The following DPYSL5 variants were observed in gnomAD, a reference collection of about 807,000 sequenced individuals.
DPYSL5 encodes dihydropyrimidinase like 5.
Under a neutral mutation model 58.4 loss-of-function variants are expected in DPYSL5, and 9 were observed. The ratio of observed to expected loss-of-function variants is 0.15; its 90% confidence interval spans 0.09 to 0.27. The LOEUF is 0.27. Ranked by LOEUF, DPYSL5 falls within the 10% of genes least tolerant of loss-of-function variation. The probability of loss-of-function intolerance (pLI) is 1.00; values close to 1 mark genes in which losing one functional copy is unlikely to be tolerated. For missense variants in DPYSL5, 499 were observed against 770.6 expected (o/e 0.65, Z 4.17); for synonymous variants, 293 against 301.9 (o/e 0.97, Z 0.31).
chr2:26,935,504 G>A (rs769762036), intron 8 of DPYSL5, among the ~76,000 whole-genome samples: 23 of 151,858 alleles, frequency 1.5e-4, no homozygotes, highest in Non-Finnish European at 2.1e-4. Context: ...CCTGGCCAAC[G>A]TGGTAAAACC....
chr2:26,908,664 A>G (rs1436053996), intron 2 of DPYSL5, among the ~76,000 whole-genome samples: 2 of 152,252 alleles, frequency 1.3e-5, no homozygotes, highest in Non-Finnish European at 2.9e-5. Flanking sequence ...AGATTATTGC[A>G]TTTTTAAAAC....
At position 26,920,845 on chromosome 2, in the gene DPYSL5, A is replaced by T. The variant is rs1664684516; in HGVS notation, c.262-4042A>T. Among the ~76,000 whole-genome samples the T allele has an allele frequency of 2.0e-5, 3 of 152,228 alleles. No homozygotes were observed. In the South Asian group the frequency reaches 6.2e-4, roughly 32 times the overall value. On this transcript the variant is annotated intron_variant, in intron 2 of 12. Coordinates refer to ENST00000288699, the MANE Select transcript of DPYSL5 (RefSeq NM_020134.4). The stretch of plus-strand genomic sequence containing the variant: ...GTGTGGGGAGTATGTGTGTTTAAAC[A>T]TGGTTCCAAGCATTTTGAATCAAGT...
chr2:26,931,195 GTGTGTGTGTA>G (rs1441591656), intron 5 of DPYSL5, among the ~76,000 whole-genome samples: 1 of 53,964 alleles, frequency 1.9e-5, no homozygotes, highest in Non-Finnish European at 4.2e-5. Flanking sequence ...GTGTGTGTGT[GTGTGTGTGTA>G]TATATATATA....
At chr2:26,926,961 CAG>C (rs767089057) in intron 3 of DPYSL5, among the ~76,000 whole-genome samples, 37 of 152,204 alleles carry the variant, frequency 2.4e-4, no homozygotes, top group Non-Finnish European at 2.9e-5. Context: ...GGTTTGGAGA[CAG>C]ACATAGGGGA....
intron 1 of DPYSL5, among the ~76,000 whole-genome samples, chr2:26,869,026 G>T (rs552949034): frequency 6.6e-6 from 1 of 152,074 alleles, no homozygotes; most frequent in African/African-American, 2.4e-5. Context: ...GTGTAGTAGC[G>T]CAGTCACAGC....
chr2:26,926,369 C>G (rs1235878022), intron 3 of DPYSL5, among the ~76,000 whole-genome samples: 2 of 152,220 alleles, frequency 1.3e-5, no homozygotes, highest in Non-Finnish European at 2.9e-5. Context: ...TCCCCTGGAG[C>G]TGGCCTAGAA....
intron 11 of DPYSL5, among the ~76,000 whole-genome samples, chr2:26,943,451 C>T (rs1665377642): frequency 6.6e-6 from 1 of 152,140 alleles, no homozygotes; most frequent in South Asian, 2.1e-4. Context: ...TGGAGATGGA[C>T]GGGGTTTAAC....
At position 26,924,906 on chromosome 2, in the gene DPYSL5, C is replaced by A; in HGVS notation, c.281C>A (p.Thr94Asn). 1 of 1,614,008 alleles carries A rather than the reference C, an allele frequency of 6.2e-7. No homozygotes were observed. The highest frequency in any genetic ancestry group is 2.2e-5 in the East Asian group (1 of 44,864). Reference protein sequence around the residue: ...HGTKAALVGGTTMIIGHVLPD... With the variant: ...HGTKAALVGGNTMIIGHVLPD... ...TCCCAGGCAGCACTCGTCGGAGGCACCACCATGATCATCGGCCACGTCCTG... is the reference window on the plus strand; with the variant it reads ...TCCCAGGCAGCACTCGTCGGAGGCAACACCATGATCATCGGCCACGTCCTG... Residue 94 changes from threonine to asparagine, a missense_variant, in exon 3 of 13, where the codon ACC becomes AAC. By Grantham distance (65) the Thr-to-Asn change is moderately conservative (BLOSUM62 0). This residue lies in a region of DPYSL5 where 404 missense variants were observed against 647.6 expected (regional missense o/e 0.62). Transcript: ENST00000288699. This position sits in a 1 kb window ranked among gnomAD's most constrained non-coding sequence, Gnocchi z 4.7.
chr2:26,911,843 C>G (rs1050577202), intron 2 of DPYSL5, among the ~76,000 whole-genome samples: 26 of 152,200 alleles, frequency 1.7e-4, no homozygotes, highest in African/African-American at 6.0e-4. Flanking sequence ...CCAGGCAAAA[C>G]ACACTCCAGG....
In DPYSL5 at chr2:26,924,574, G is replaced by A. The variant is rs1664780988; in HGVS notation, c.262-313G>A. 6.6e-6 allele frequency among the ~76,000 whole-genome samples: 1 copy of A among 152,166 alleles called. No individual in the cohort carries two copies. The highest frequency in any genetic ancestry group is 6.5e-5 in the Admixed American group (1 of 15,272). On this transcript the variant is annotated intron_variant, in intron 2 of 12. Coordinates refer to ENST00000288699, the MANE Select transcript of DPYSL5 (RefSeq NM_020134.4). The surrounding 1 kb of genome is among the most constrained non-coding windows in gnomAD (Gnocchi z 4.7). The stretch of plus-strand genomic sequence containing the variant: ...GTCAATTGGCTAAAAATCGTTTGGG[G>A]AGAGAATCTCCTCATTGGGAAGATA...
Position 26,936,945 on chromosome 2 carries a change from T to TAAAA in DPYSL5, c.947+2224_947+2227dup, listed in dbSNP as rs55795892. ...TGGGCAACAAGAGCAAGACTTCATTTAAAAAAAAAAAAAAAAGCTTGTTTT... is the reference window on the plus strand; with the variant it reads ...TGGGCAACAAGAGCAAGACTTCATTTAAAAAAAAAAAAAAAAAAAAGCTTGTTTT... On this transcript the variant is annotated intron_variant, in intron 8 of 12. Coordinates refer to ENST00000288699, the MANE Select transcript of DPYSL5 (RefSeq NM_020134.4). 2.1e-4 allele frequency among the ~76,000 whole-genome samples: 16 copies of TAAAA among 77,898 alleles called. 2 individuals carry two copies. The highest frequency in any genetic ancestry group is 5.2e-4 in the Admixed American group (4 of 7,636). 51.1% of individuals were successfully genotyped at this position (77,898 alleles called of 152,430 possible). A position where few individuals can be genotyped will look rare whatever the true frequency, so the allele number is the denominator to read the frequency against.
intron 2 of DPYSL5, among the ~76,000 whole-genome samples, chr2:26,906,008 G>A (rs561001091): frequency 6.6e-6 from 1 of 152,122 alleles, no homozygotes; most frequent in East Asian, 1.9e-4. Context: ...TTCAAGGACT[G>A]AGGTCCCTGT....
At chr2:26,908,982 C>T (rs920129517) in intron 2 of DPYSL5, among the ~76,000 whole-genome samples, 3 of 151,964 alleles carry the variant, frequency 2.0e-5, no homozygotes, top group African/African-American at 7.3e-5. Flanking sequence ...TTGGAAATAT[C>T]TGTTCTCCCA....
chr2:26,887,597 C>G (rs949852417), intron 1 of DPYSL5, among the ~76,000 whole-genome samples: 10 of 152,202 alleles, frequency 6.6e-5, no homozygotes, highest in Non-Finnish European at 1.2e-4. Flanking sequence ...ATAACTTTGT[C>G]CACTCAGCAA....
intron 1 of DPYSL5, among the ~76,000 whole-genome samples, chr2:26,850,611 G>A (rs936670397): frequency 4.6e-5 from 7 of 151,942 alleles, no homozygotes; most frequent in African/African-American, 1.7e-4. Flanking sequence ...ACTCATTGAT[G>A]CCACTTACAT....
chr2:26,895,781 T>C (rs187706911), intron 1 of DPYSL5, among the ~76,000 whole-genome samples: 1,671 of 138,474 alleles, frequency 0.012, 26 homozygotes, highest in African/African-American at 0.045. Flanking sequence ...TTTTCTTTTT[T>C]TTTTTTTTTT....
chr2:26,867,657 G>A (rs1304688361), intron 1 of DPYSL5, among the ~76,000 whole-genome samples: 3 of 151,618 alleles, frequency 2.0e-5, no homozygotes, highest in Admixed American at 6.6e-5. Flanking sequence ...GGGTTTCACC[G>A]TTTTAGCCGG....
intron 2 of DPYSL5, among the ~76,000 whole-genome samples, chr2:26,907,969 G>A (rs1258819069): frequency 6.6e-6 from 1 of 152,162 alleles, no homozygotes; most frequent in Non-Finnish European, 1.5e-5. Context: ...AGCACAGACT[G>A]GGGCTATGAA....
At chr2:26,917,587 CT>C (rs1664598444) in intron 2 of DPYSL5, among the ~76,000 whole-genome samples, 1 of 152,108 alleles carries the variant, frequency 6.6e-6, no homozygotes. Context: ...AGCATGCAAG[CT>C]GCCTGGAAGG....
Sources: allele counts gnomAD v4.1 joint callset (sites outside exome capture counted in the v4.1 genomes callset), GRCh38; gene constraint gnomAD v4.1.1; regional missense constraint gnomAD v4.1.1; non-coding constraint Gnocchi (gnomAD v3.1); transcripts MANE v1.5; gene names NCBI Gene and HGNC (gene_info 2026-07-23, HGNC 2026-07-21).